ZNF804A: variants seen among roughly 807,000 people sequenced by gnomAD.
The protein encoded by ZNF804A is zinc finger protein 804A.
ZNF804A carries 2 observed loss-of-function variants against 16.5 expected under a neutral mutation model. The ratio of observed to expected loss-of-function variants is 0.12; its 90% confidence interval spans 0.05 to 0.38. The LOEUF is 0.38. Among genes scored for constraint, ZNF804A ranks in the 10% least tolerant of loss-of-function variants. The pLI, the probability that ZNF804A is intolerant of heterozygous loss-of-function variation, is 0.99. For missense variants in ZNF804A, 1,473 were observed against 1,390.7 expected, an observed-to-expected ratio of 1.06 and a Z score of -0.94; for synonymous variants, 534 against 489.6, an observed-to-expected ratio of 1.09 and a Z score of -1.20.
At chr2:184,829,731 C>T (rs1267042387) in intron 1 of ZNF804A, among the ~76,000 whole-genome samples, 1 of 151,204 alleles carries the variant, frequency 6.6e-6, no homozygotes, top group Non-Finnish European at 1.5e-5. Context: ...TTAACCTTTT[C>T]ACTGATTACA....
chr2:184,740,378 C>A (rs369075532), intron 1 of ZNF804A, among the ~76,000 whole-genome samples: 1 of 152,122 alleles, frequency 6.6e-6, no homozygotes, highest in African/African-American at 2.4e-5. Context: ...AGAGTGTTGG[C>A]CTCTTTACGG....
At chr2:184,701,469 G>A (rs142615464) in intron 1 of ZNF804A, among the ~76,000 whole-genome samples, 77 of 151,602 alleles carry the variant, frequency 5.1e-4, no homozygotes, top group African/African-American at 1.7e-3. Context: ...ATTTTATAAC[G>A]TTGCCTGAAA....
intron 1 of ZNF804A, among the ~76,000 whole-genome samples, chr2:184,739,488 G>A (rs6736519): frequency 0.025 from 3,769 of 152,206 alleles, 154 homozygotes; most frequent in African/African-American, 0.087. Context: ...CTGCATCCTG[G>A]GTTCAAGCGA....
At chr2:184,646,206 G>T (rs1263643297) in intron 1 of ZNF804A, among the ~76,000 whole-genome samples, 1 of 152,122 alleles carries the variant, frequency 6.6e-6, no homozygotes, top group African/African-American at 2.4e-5. Context: ...GTGGGGTAAG[G>T]GCTTCCACAG....
At chr2:184,790,848 C>A (rs918767946) in intron 1 of ZNF804A, among the ~76,000 whole-genome samples, 2 of 152,098 alleles carry the variant, frequency 1.3e-5, no homozygotes, top group African/African-American at 4.8e-5. Context: ...TGTGATCCAC[C>A]CACCTCGGCC....
At chr2:184,885,437 T>A (rs1684874217) in intron 2 of ZNF804A, among the ~76,000 whole-genome samples, 2 of 152,110 alleles carry the variant, frequency 1.3e-5, no homozygotes, top group East Asian at 1.9e-4. Context: ...GAAATCAAGC[T>A]AAATGCTCAT....
At chr2:184,843,783 G>A (rs186579070) in intron 1 of ZNF804A, among the ~76,000 whole-genome samples, 1 of 152,166 alleles carries the variant, frequency 6.6e-6, no homozygotes, top group East Asian at 1.9e-4. Context: ...ATTTAAAGTG[G>A]TTTGCTGTAG....
chr2:184,678,841 G>A (rs1692484986), intron 1 of ZNF804A, among the ~76,000 whole-genome samples: 1 of 152,130 alleles, frequency 6.6e-6, no homozygotes, highest in South Asian at 2.1e-4. Flanking sequence ...AGTTGAGGGG[G>A]ATCTCAGTGA....
Position 184,891,608 on chromosome 2 carries a change from C to T in ZNF804A, c.255+25096C>T, listed in dbSNP as rs540905592. Among the ~76,000 whole-genome samples the T allele has an allele frequency of 5.3e-5, 8 of 152,272 alleles. No homozygotes were observed. In the South Asian group the frequency reaches 1.7e-3, roughly 32 times the overall value. The stretch of plus-strand genomic sequence containing the variant: ...TATTCTTTTTTTCTCAGCCTCCACT[C>T]TACTTGACAAAGGGTCCACTTTTTT... On this transcript the variant is annotated intron_variant, in intron 2 of 3. Coordinates refer to ENST00000302277, the MANE Select transcript of ZNF804A (RefSeq NM_194250.2).
At chr2:184,762,206 CTTTTCT>C (rs1204965831) in intron 1 of ZNF804A, among the ~76,000 whole-genome samples, 6 of 52,652 alleles carry the variant, frequency 1.1e-4, no homozygotes, top group African/African-American at 1.9e-4. Context: ...CTTTTCTTTT[CTTTTCT>C]TTTTTTTTTT....
In ZNF804A at chr2:184,937,184, GA is replaced by G; in HGVS notation, c.1795del (p.Arg599GlufsTer46). The G allele has an allele frequency of 6.3e-7, 1 of 1,594,888 alleles. No individual in the cohort carries two copies. The highest frequency in any genetic ancestry group is 8.5e-7 in the Non-Finnish European group (1 of 1,175,542). ...EYWFHKSRRK[K>X]KRKKLCQHHH... ...ACTGGTTCCATAAAAGTAGAAGAAA[GA>G]AAAAAAGAAAAAAGTTATGTCAGCA... is the stretch of plus-strand genomic sequence containing the variant. On this transcript the variant is annotated frameshift_variant, in exon 4 of 4. Transcript: ENST00000302277. LOFTEE classifies it low-confidence loss of function (END_TRUNC).
chr2:184,609,076 T>A (rs1157954121), intron 1 of ZNF804A, among the ~76,000 whole-genome samples: 1 of 152,140 alleles, frequency 6.6e-6, no homozygotes, highest in African/African-American at 2.4e-5. Context: ...ATATAGAGAT[T>A]TGTGTCAGAA....
chr2:184,851,272 C>T (rs1695598803), intron 1 of ZNF804A, among the ~76,000 whole-genome samples: 1 of 151,752 alleles, frequency 6.6e-6, no homozygotes, highest in South Asian at 2.1e-4. Context: ...TATTGTGAAA[C>T]TAGATCTATT....
At chr2:184,729,076 A>C (rs1004453478) in intron 1 of ZNF804A, among the ~76,000 whole-genome samples, 2 of 151,888 alleles carry the variant, frequency 1.3e-5, no homozygotes, top group African/African-American at 4.8e-5. Context: ...AATAACACAA[A>C]ATTTCATTTA....
chr2:184,616,112 A>T (rs1691314633), intron 1 of ZNF804A, among the ~76,000 whole-genome samples: 1 of 152,112 alleles, frequency 6.6e-6, no homozygotes, highest in Non-Finnish European at 1.5e-5. Context: ...GAGAAACATG[A>T]CTAGATTTAG....
intron 2 of ZNF804A, among the ~76,000 whole-genome samples, chr2:184,933,130 TACACACACACACGC>T (rs1559007100): frequency 2.5e-5 from 3 of 119,496 alleles, no homozygotes; most frequent in Non-Finnish European, 5.2e-5. Context: ...ACTTTTCACT[TACACACACACACGC>T]ACACACACAC....
intron 1 of ZNF804A, among the ~76,000 whole-genome samples, chr2:184,832,313 A>G (rs1487523795): frequency 6.6e-6 from 1 of 152,044 alleles, no homozygotes; most frequent in African/African-American, 2.4e-5. Flanking sequence ...TGACTCCTTT[A>G]GGAGTCAAGA....
At chr2:184,610,792 A>T (rs1464485294) in intron 1 of ZNF804A, among the ~76,000 whole-genome samples, 1 of 152,188 alleles carries the variant, frequency 6.6e-6, no homozygotes, top group Admixed American at 6.5e-5. Flanking sequence ...TTTAGCAAGA[A>T]AGTCTACTAC....
At chr2:184,855,615 T>TAC (rs4017731) in intron 1 of ZNF804A, among the ~76,000 whole-genome samples, 1,522 of 120,702 alleles carry the variant, frequency 0.013, 19 homozygotes, top group African/African-American at 0.052. Context: ...TATATATATA[T>TAC]ACACACACAC....
Sources: gnomAD v4.1 joint callset for allele counts (sites outside exome capture counted in the v4.1 genomes callset) on GRCh38, gnomAD v4.1.1 for gene constraint, MANE v1.5 for transcripts, NCBI Gene and HGNC (gene_info 2026-07-23, HGNC 2026-07-21) for gene names.